The following PTPRT variants were observed in gnomAD, a reference collection of about 807,000 sequenced individuals.
The protein encoded by PTPRT is protein tyrosine phosphatase receptor type T, also known as receptor-type tyrosine-protein phosphatase T.
A neutral mutation model predicts 176.8 loss-of-function variants in PTPRT; 56 were observed. The observed-to-expected ratio is 0.32, with a 90% CI of 0.26 to 0.40. The LOEUF is 0.40. Ranked by LOEUF, PTPRT falls within the 10% of genes least tolerant of loss-of-function variation. The pLI is 1.00. For synonymous variants in PTPRT, 783 were observed against 739.0 expected (o/e 1.06, Z -0.96); for missense variants, 1,540 against 1,908.2 (o/e 0.81, Z 3.60).
chr20:42,140,816 A>G (rs1019828764), intron 18 of PTPRT, among the ~76,000 whole-genome samples: 1 of 152,346 alleles, frequency 6.6e-6, no homozygotes, highest in African/African-American at 2.4e-5. Flanking sequence ...TGATAGATCC[A>G]TGCTGCTCAC....
At chr20:42,998,899 T>G (rs1984373819) in intron 1 of PTPRT, among the ~76,000 whole-genome samples, 1 of 152,184 alleles carries the variant, frequency 6.6e-6, no homozygotes, top group Admixed American at 6.5e-5. Flanking sequence ...TGCACCCCAC[T>G]GATGGGGATA....
chr20:42,685,715 A>G (rs1255928244), intron 6 of PTPRT: 4 of 152,210 alleles, frequency 2.6e-5, no homozygotes, highest in Non-Finnish European at 2.9e-5. Flanking sequence ...CGTTTTTCTT[A>G]GGGTTATGAG....
chr20:42,374,818 T>C (rs961914203), intron 9 of PTPRT, among the ~76,000 whole-genome samples: 26 of 152,330 alleles, frequency 1.7e-4, no homozygotes, highest in Middle Eastern at 6.8e-3. Context: ...TGGGGTTTTA[T>C]ATATCTTTTG....
chr20:42,245,161 A>T (rs1239052647), intron 14 of PTPRT, among the ~76,000 whole-genome samples: 2 of 152,320 alleles, frequency 1.3e-5, no homozygotes, highest in East Asian at 3.9e-4. Context: ...GAGGAAAAAG[A>T]TGGAGCCACT....
intron 1 of PTPRT, among the ~76,000 whole-genome samples, chr20:43,103,426 A>T (rs1470135204): frequency 1.3e-5 from 2 of 152,208 alleles, no homozygotes; most frequent in East Asian, 3.8e-4. Context: ...TGGTGTTACA[A>T]GAGATGCAAG....
At chr20:42,326,610 C>T (rs918555805) in intron 11 of PTPRT, among the ~76,000 whole-genome samples, 5 of 151,974 alleles carry the variant, frequency 3.3e-5, no homozygotes, top group East Asian at 1.9e-4. Flanking sequence ...AAATAAGAAA[C>T]GTATAGGACT....
At chr20:42,467,751 A>C (rs2071124467) in intron 8 of PTPRT, among the ~76,000 whole-genome samples, 1 of 152,218 alleles carries the variant, frequency 6.6e-6, no homozygotes, top group Non-Finnish European at 1.5e-5. Flanking sequence ...CACATGAGTA[A>C]ATGCAGCAAA....
chr20:42,561,523 C>T (rs1469654113), intron 7 of PTPRT, among the ~76,000 whole-genome samples: 1 of 152,192 alleles, frequency 6.6e-6, no homozygotes, highest in African/African-American at 2.4e-5. Context: ...CCCTGTGAAG[C>T]TGTGTTTAAA....
At chr20:42,418,837 G>A (rs112658674) in intron 9 of PTPRT, among the ~76,000 whole-genome samples, 54 of 152,230 alleles carry the variant, frequency 3.5e-4, no homozygotes, top group Admixed American at 2.3e-3. Context: ...ACCCTCCCCC[G>A]GCGGAGGAGG....
chr20:42,543,907 G>T (rs1481111739), intron 7 of PTPRT, among the ~76,000 whole-genome samples: 1 of 152,116 alleles, frequency 6.6e-6, no homozygotes, highest in Non-Finnish European at 1.5e-5. Context: ...TATTTCTGAG[G>T]AGTTGGTCTC....
intron 8 of PTPRT, among the ~76,000 whole-genome samples, chr20:42,465,747 T>C (rs1297983877): frequency 6.6e-6 from 1 of 152,198 alleles, no homozygotes; most frequent in Non-Finnish European, 1.5e-5. Context: ...TACGTTTTAA[T>C]GTAGTTTTTT....
chr20:42,630,546 T>C (rs935075701), intron 7 of PTPRT, among the ~76,000 whole-genome samples: 2 of 152,206 alleles, frequency 1.3e-5, no homozygotes, highest in Admixed American at 6.5e-5. Context: ...GGTTTCAGGC[T>C]AGCTTGCTAA....
chr20:42,929,286 C>T (rs924807916), intron 1 of PTPRT, among the ~76,000 whole-genome samples: 10 of 152,206 alleles, frequency 6.6e-5, no homozygotes, highest in Non-Finnish European at 1.2e-4. Context: ...ACTTGAAGTG[C>T]GTGTCATTAT....
chr20:42,732,982 C>A (rs75349847), intron 6 of PTPRT, among the ~76,000 whole-genome samples: 313 of 152,248 alleles, frequency 2.1e-3, no homozygotes, highest in African/African-American at 7.1e-3. Flanking sequence ...GACAAAGTAC[C>A]AGTTTTAGGA....
chr20:42,852,807 C>T (rs1354731757), intron 2 of PTPRT, among the ~76,000 whole-genome samples: 1 of 152,132 alleles, frequency 6.6e-6, no homozygotes, highest in Non-Finnish European at 1.5e-5. Context: ...CAGAAGAGAA[C>T]AGACTGAGAG....
chr20:42,733,754 C>T (rs1408475128), intron 6 of PTPRT, among the ~76,000 whole-genome samples: 1 of 152,238 alleles, frequency 6.6e-6, no homozygotes, highest in Non-Finnish European at 1.5e-5. Context: ...TCAACATACA[C>T]ATCTTCACTT....
intron 2 of PTPRT, among the ~76,000 whole-genome samples, chr20:42,826,000 A>T (rs2077986386): frequency 6.6e-6 from 1 of 152,088 alleles, no homozygotes. Context: ...ACCACCCACA[A>T]AACCCCCTTT....
chr20:42,128,365 G>A (rs1987960761), intron 19 of PTPRT, among the ~76,000 whole-genome samples: 1 of 151,682 alleles, frequency 6.6e-6, no homozygotes, highest in Non-Finnish European at 1.5e-5. Flanking sequence ...GTTTTAAAGG[G>A]TAGAGACCAT....
At chr20:42,545,970 A>T (rs1311272278) in intron 7 of PTPRT, among the ~76,000 whole-genome samples, 1 of 152,214 alleles carries the variant, frequency 6.6e-6, no homozygotes, top group African/African-American at 2.4e-5. Flanking sequence ...TAGTTTAAAT[A>T]TCTATATCTA....
Sources: gnomAD v4.1 joint callset for allele counts (sites outside exome capture counted in the v4.1 genomes callset) on GRCh38, gnomAD v4.1.1 for gene constraint, MANE v1.5 for transcripts, NCBI Gene and HGNC (gene_info 2026-07-23, HGNC 2026-07-21) for gene names.